SEL1L: variants seen among roughly 807,000 people sequenced by gnomAD.
SEL1L encodes SEL1L adaptor subunit of SYVN1 ubiquitin ligase.
SEL1L carries 52 observed loss-of-function variants against 109.8 expected under a neutral mutation model. The ratio of observed to expected loss-of-function variants is 0.47; its 90% CI spans 0.38 to 0.60. SEL1L has a LOEUF of 0.60. SEL1L is among the 20% of genes least tolerant of loss of function. The pLI is 0.00. For missense variants in SEL1L, 749 were observed against 962.2 expected, an observed-to-expected ratio of 0.78 and a Z score of 2.93; for synonymous variants, 373 against 339.6, an observed-to-expected ratio of 1.10 and a Z score of -1.08.
chr14:81,473,607 A>G lies in SEL1L; in HGVS notation c.*3365T>C, dbSNP rs556047278. 1 of 152,320 alleles carries G rather than the reference A, an allele frequency of 6.6e-6. No individual in the cohort carries two copies. Among genetic ancestry groups the G allele is most frequent in the South Asian group, 2.1e-4 (1 of 4,828 alleles). The allele number at this position is 152,320 out of a possible 1,614,324, so 9.4% of individuals were successfully genotyped here. On this transcript the variant is annotated 3_prime_UTR_variant, in exon 21 of 21. Coordinates refer to ENST00000336735, the MANE Select transcript of SEL1L (RefSeq NM_005065.6). ...ATTATGAGATTCACTTTCAAAACAA[A>G]TATCAGCTGTCACTGAAATATAGCC...
At chr14:81,516,502 C>G (rs112384481) in intron 3 of SEL1L, among the ~76,000 whole-genome samples, 128 of 152,286 alleles carry the variant, frequency 8.4e-4, no homozygotes, top group African/African-American at 3.0e-3. Context: ...ATATGGGGAA[C>G]AAGTTACCCA....
chr14:81,530,151 G>A (rs566301427), intron 1 of SEL1L, among the ~76,000 whole-genome samples: 4 of 152,278 alleles, frequency 2.6e-5, no homozygotes, highest in South Asian at 2.1e-4. Flanking sequence ...CATTCATCAC[G>A]TAAATTAAAC....
chr14:81,514,709 C>T (rs902862937), intron 3 of SEL1L, among the ~76,000 whole-genome samples: 10 of 152,094 alleles, frequency 6.6e-5, no homozygotes, highest in East Asian at 1.9e-4. Flanking sequence ...ACCAAAACCG[C>T]GGGCGGTTCT....
At chr14:81,521,792 A>T (rs929162705) in intron 3 of SEL1L, among the ~76,000 whole-genome samples, 1 of 152,134 alleles carries the variant, frequency 6.6e-6, no homozygotes, top group African/African-American at 2.4e-5. Flanking sequence ...ACTCCTACTT[A>T]TTAAAAAAAA....
chr14:81,517,853 T>C (rs1884763133), intron 3 of SEL1L, among the ~76,000 whole-genome samples: 1 of 152,152 alleles, frequency 6.6e-6, no homozygotes, highest in Non-Finnish European at 1.5e-5. Flanking sequence ...ATTTGAACTC[T>C]TTTGAGTTTT....
intron 3 of SEL1L, among the ~76,000 whole-genome samples, chr14:81,515,881 C>CA (rs1363301870): frequency 2.0e-5 from 3 of 151,976 alleles, no homozygotes; most frequent in Admixed American, 6.6e-5. Context: ...AGGAACAGGC[C>CA]AAAAAGGAAA....
chr14:81,517,492 T>C (rs1341839977), intron 3 of SEL1L, among the ~76,000 whole-genome samples: 1 of 152,158 alleles, frequency 6.6e-6, no homozygotes, highest in African/African-American at 2.4e-5. Context: ...CCAGCAGTTT[T>C]TTTTCAGCCT....
Position 81,533,672 on chromosome 14 carries a change from G to A in SEL1L, c.70+3C>T. 6.2e-7 allele frequency: 1 copy of A among 1,612,596 alleles called. No homozygotes were observed. Among genetic ancestry groups the A allele is most frequent in the African/African-American group, 1.3e-5 (1 of 75,050 alleles). ...CCTTCAGCCCGAGGGGGCGGATACT[G>A]ACCCGAGGACGCCGAGGCCAAGCTC... is the stretch of plus-strand genomic sequence containing the variant. On this transcript the variant is annotated splice_donor_region_variant and intron_variant, in intron 1 of 20. Transcript: ENST00000336735.
chr14:81,495,287 T>A, intron 10 of SEL1L, 150 bp from the exon 11 acceptor site: 1 of 693,394 alleles, frequency 1.4e-6, no homozygotes, highest in Non-Finnish European at 2.4e-6. Flanking sequence ...GAAAATGCTA[T>A]TCTACTTTAA....
At chr14:81,522,187 G>A (rs539299417) in intron 3 of SEL1L, among the ~76,000 whole-genome samples, 22 of 152,028 alleles carry the variant, frequency 1.4e-4, no homozygotes, top group Non-Finnish European at 2.4e-4. Context: ...TACCATAAAC[G>A]AAGGTTAATT....
At chr14:81,499,763 G>T in intron 6 of SEL1L, 101 bp from the exon 7 acceptor site, 1 of 785,000 alleles carries the variant, frequency 1.3e-6, no homozygotes, top group Non-Finnish European at 2.0e-6. Flanking sequence ...AAATGCAAGA[G>T]TCTTTAAATG....
At chr14:81,480,195 T>A (rs1182022229) in intron 19 of SEL1L, among the ~76,000 whole-genome samples, 17 of 152,054 alleles carry the variant, frequency 1.1e-4, no homozygotes, top group Non-Finnish European at 2.9e-5. Context: ...CTCATTCTTT[T>A]TTATTTTTTT....
In SEL1L at chr14:81,484,852, A is replaced by AGCATTT. The variant is rs1903470451; in HGVS notation, c.1874-461_1874-456dup. Among the ~76,000 whole-genome samples, 3 of 152,344 alleles carry AGCATTT rather than the reference A, an allele frequency of 2.0e-5. No individual in the cohort carries two copies. The South Asian group carries it at 6.2e-4, about 32-fold the overall frequency. On this transcript the variant is annotated intron_variant, in intron 18 of 20. Transcript: ENST00000336735. The stretch of plus-strand genomic sequence containing the variant: ...TGAAATCTGAAACACTCTGGTCCTA[A>AGCATTT]GCATTTCAGATAAGGGATACTCAAC...
chr14:81,523,783 G>C (rs1885012824), intron 3 of SEL1L, among the ~76,000 whole-genome samples: 1 of 151,996 alleles, frequency 6.6e-6, no homozygotes, highest in African/African-American at 2.4e-5. Flanking sequence ...GTCTCTGATG[G>C]AGAATCCTCT....
At chr14:81,484,462 T>C in intron 18 of SEL1L, 65 bp from the exon 19 acceptor site, 1 of 1,431,712 alleles carries the variant, frequency 7.0e-7, no homozygotes. Context: ...ATCAAACTTT[T>C]TTCTCCTCCC....
chr14:81,484,722 C>T (rs1903466395), intron 18 of SEL1L, among the ~76,000 whole-genome samples: 1 of 152,092 alleles, frequency 6.6e-6, no homozygotes, highest in African/African-American at 2.4e-5. Context: ...AAAGGTCATG[C>T]TCAAAGGAAA....
chr14:81,487,784 T>A, intron 15 of SEL1L, 71 bp downstream of exon 15: 1 of 1,594,058 alleles, frequency 6.3e-7, no homozygotes, highest in Admixed American at 1.8e-5. Context: ...TTCCACATCA[T>A]AATGCCATCT....
intron 3 of SEL1L, among the ~76,000 whole-genome samples, chr14:81,510,382 T>G (rs1467117651): frequency 3.9e-5 from 6 of 151,926 alleles, no homozygotes; most frequent in Non-Finnish European, 8.8e-5. Context: ...GATACAAGAT[T>G]TTTGTTTTTA....
chr14:81,517,768 G>C (rs1407670488), intron 3 of SEL1L, among the ~76,000 whole-genome samples: 1 of 152,200 alleles, frequency 6.6e-6, no homozygotes, highest in Non-Finnish European at 1.5e-5. Flanking sequence ...GAATAATCCT[G>C]ATCAGGGGAA....
Sources: allele counts gnomAD v4.1 joint callset (sites outside exome capture counted in the v4.1 genomes callset), GRCh38; gene constraint gnomAD v4.1.1; transcripts MANE v1.5; gene names NCBI Gene and HGNC (gene_info 2026-07-23, HGNC 2026-07-21).